The following MAMDC2 variants were observed in gnomAD, a reference collection of about 807,000 sequenced individuals.
MAMDC2 encodes MAM domain-containing protein 2.
MAMDC2 carries 57 observed loss-of-function variants against 89.8 expected under a neutral mutation model. The ratio of observed to expected loss-of-function variants is 0.63; its 90% confidence interval spans 0.51 to 0.79. The LOEUF (loss-of-function observed/expected upper bound fraction) is 0.79. Ranked by LOEUF, MAMDC2 falls within the 30% of genes least tolerant of loss-of-function variation. MAMDC2 has a pLI of 0.00. For synonymous variants in MAMDC2, 313 were observed against 293.4 expected, an observed-to-expected ratio of 1.07 and a Z score of -0.68; for missense variants, 800 against 820.6, an observed-to-expected ratio of 0.97 and a Z score of 0.31.
chr9:70,066,027 G>A (rs1457612465), intron 2 of MAMDC2, among the ~76,000 whole-genome samples: 1 of 152,160 alleles, frequency 6.6e-6, no homozygotes, highest in African/African-American at 2.4e-5. Context: ...CGACTCTCCT[G>A]AAACTTATAT....
chr9:70,173,257 T>C (rs2032405997), intron 11 of MAMDC2, among the ~76,000 whole-genome samples: 1 of 152,124 alleles, frequency 6.6e-6, no homozygotes, highest in Admixed American at 6.6e-5. Context: ...CTGAATCTCA[T>C]TGGCTCTGAT....
intron 2 of MAMDC2, among the ~76,000 whole-genome samples, chr9:70,060,228 G>T (rs1033803855): frequency 2.0e-5 from 3 of 152,110 alleles, no homozygotes; most frequent in African/African-American, 7.2e-5. Context: ...ATTCTCCTGT[G>T]CCCAACACAG....
intron 2 of MAMDC2, among the ~76,000 whole-genome samples, chr9:70,089,855 T>A (rs1827849188): frequency 6.6e-6 from 1 of 152,178 alleles, no homozygotes; most frequent in Non-Finnish European, 1.5e-5. Context: ...CTGCAAATGG[T>A]AGCTGTTATA....
At position 70,044,657 on chromosome 9, in the gene MAMDC2, C is replaced by G; in HGVS notation, c.108C>G (p.Asp36Glu). 2 of 1,551,742 alleles carry G rather than the reference C, an allele frequency of 1.3e-6. No homozygotes were observed. Among genetic ancestry groups the G allele is most frequent in the Non-Finnish European group, 1.7e-6 (2 of 1,147,020 alleles). The change falls in exon 2 of 14, where the codon GAC becomes GAG. Residue 36 changes from aspartate (D) to glutamate (E), a missense_variant. Transcript: ENST00000377182. The part of the protein sequence containing the change: ...CAFEESTCGF[D>E]SVLASLPWIL... ...TTGAAGAGAGCACTTGCGGCTTTGA[C>G]TCCGTGTTGGCCTCTCTGCCGTGGA...
chr9:70,156,130 G>A (rs1209191417), intron 9 of MAMDC2, among the ~76,000 whole-genome samples: 1 of 152,074 alleles, frequency 6.6e-6, no homozygotes, highest in Admixed American at 6.6e-5. Context: ...TGTGCAACAT[G>A]GTTCTTGTTG....
chr9:70,217,745 A>C (rs954170987), intron 11 of MAMDC2: 3 of 1,072,290 alleles, frequency 2.8e-6, no homozygotes, highest in Non-Finnish European at 4.2e-6. Context: ...AAACTAAAAA[A>C]AAGTGTCACA....
intron 6 of MAMDC2, among the ~76,000 whole-genome samples, chr9:70,130,309 C>CTTT (rs2030747654): frequency 6.6e-6 from 1 of 152,070 alleles, no homozygotes; most frequent in Admixed American, 6.6e-5. Flanking sequence ...GACAGCTGCC[C>CTTT]TTTTAGACAG....
intron 2 of MAMDC2, among the ~76,000 whole-genome samples, chr9:70,048,072 C>T (rs745448192): frequency 2.0e-5 from 3 of 152,270 alleles, no homozygotes; most frequent in South Asian, 2.1e-4. Flanking sequence ...TACAGGGCAT[C>T]GGGCACTGAA....
chr9:70,171,010 C>A (rs546187528), intron 11 of MAMDC2: 26 of 191,270 alleles, frequency 1.4e-4, no homozygotes, highest in Non-Finnish European at 3.2e-5. Context: ...ACAGGTTTGA[C>A]TCCAAGCTTT....
At chr9:70,152,949 T>C (rs1321850262) in intron 9 of MAMDC2, among the ~76,000 whole-genome samples, 4 of 152,142 alleles carry the variant, frequency 2.6e-5, no homozygotes, top group African/African-American at 9.7e-5. Context: ...AAAAGACTAA[T>C]GAATGTTTTT....
At chr9:70,105,852 GCAC>G (rs1828327201) in intron 2 of MAMDC2, 2 of 152,156 alleles carry the variant, frequency 1.3e-5, no homozygotes, top group Admixed American at 1.3e-4. Flanking sequence ...TGGACTCTGT[GCAC>G]CTGCTTTAAC....
intron 2 of MAMDC2, among the ~76,000 whole-genome samples, chr9:70,072,332 A>T (rs1018625805): frequency 6.6e-6 from 1 of 152,182 alleles, no homozygotes; most frequent in Admixed American, 6.5e-5. Context: ...ATCTGCCTAA[A>T]GCCCAAGTTT....
chr9:70,140,090 T>C, intron 7 of MAMDC2, 55 bp from the exon 8 acceptor site: 2 of 1,493,492 alleles, frequency 1.3e-6, no homozygotes, highest in Non-Finnish European at 1.8e-6. Context: ...AACCAGTTGA[T>C]GTAGTCCTTT....
intron 11 of MAMDC2, among the ~76,000 whole-genome samples, chr9:70,181,974 T>A (rs2032655025): frequency 1.3e-5 from 2 of 152,336 alleles, no homozygotes; most frequent in Non-Finnish European, 1.5e-5. Flanking sequence ...CCATTCGGTA[T>A]GATATTGGCT....
At chr9:70,221,407 A>AGAGAGAGAGAGAGT (rs1491076799) in intron 12 of MAMDC2, among the ~76,000 whole-genome samples, 1 of 119,900 alleles carries the variant, frequency 8.3e-6, no homozygotes, top group African/African-American at 3.2e-5. Context: ...AGAGAGAGAG[A>AGAGAGAGAGAGAGT]GTAACATCAG....
At chr9:70,151,122 C>G (rs916665595) in intron 9 of MAMDC2, among the ~76,000 whole-genome samples, 2 of 152,206 alleles carry the variant, frequency 1.3e-5, no homozygotes, top group Non-Finnish European at 2.9e-5. Context: ...GGCCAGTGCT[C>G]TGCACAGGGG....
chr9:70,211,593 T>C (rs2033355013), intron 11 of MAMDC2, among the ~76,000 whole-genome samples: 1 of 151,988 alleles, frequency 6.6e-6, no homozygotes, highest in Admixed American at 6.6e-5. Context: ...AGCTATTAGT[T>C]ATTACCGATC....
chr9:70,058,218 C>T (rs1472296670), intron 2 of MAMDC2, among the ~76,000 whole-genome samples: 3 of 152,136 alleles, frequency 2.0e-5, no homozygotes, highest in African/African-American at 7.2e-5. Flanking sequence ...TTCTTATAAT[C>T]CCCCTATGAA....
At chr9:70,164,892 A>G (rs2032114728) in intron 9 of MAMDC2, among the ~76,000 whole-genome samples, 1 of 151,520 alleles carries the variant, frequency 6.6e-6, no homozygotes. Flanking sequence ...CTACTGTCTC[A>G]GCCTCCCAAA....
Sources: allele counts gnomAD v4.1 joint callset (sites outside exome capture counted in the v4.1 genomes callset), GRCh38; gene constraint gnomAD v4.1.1; transcripts MANE v1.5; gene names NCBI Gene and HGNC (gene_info 2026-07-23, HGNC 2026-07-21).